The following CTNND2 variants were observed in gnomAD, a reference collection of about 807,000 sequenced individuals.
The protein encoded by CTNND2 is catenin delta 2.
CTNND2 carries 22 observed loss-of-function variants against 144.4 expected under a neutral mutation model. The observed-to-expected ratio is 0.15, with a 90% CI of 0.11 to 0.22. CTNND2 has a LOEUF of 0.22. Among genes scored for constraint, CTNND2 ranks in the 10% least tolerant of loss-of-function variants. CTNND2 has a pLI of 1.00. For missense variants in CTNND2, 1,353 were observed against 1,618.8 expected (o/e 0.84, Z 2.82); for synonymous variants, 751 against 695.6 (o/e 1.08, Z -1.25).
rs113683400 is a variant in CTNND2 at position 10,982,333 on chromosome 5, C to T, written c.3344-487G>A. ...GACCCAAAGGACGGGCAGGGGGCATCGCCTGCATGTCCCCCATGTATCTGG... is the reference window on the plus strand; with the variant it reads ...GACCCAAAGGACGGGCAGGGGGCATTGCCTGCATGTCCCCCATGTATCTGG... On this transcript the variant is annotated intron_variant, in intron 20 of 21. Coordinates refer to ENST00000304623, the MANE Select transcript of CTNND2 (RefSeq NM_001332.4). Among the ~76,000 whole-genome samples the T allele has an allele frequency of 2.5e-4, 38 of 152,342 alleles. 1 individual carries two copies. Among genetic ancestry groups the T allele is most frequent in the African/African-American group, 6.5e-4 (27 of 41,574 alleles).
At chr5:11,761,019 T>C (rs573961793) in intron 1 of CTNND2, among the ~76,000 whole-genome samples, 132 of 152,346 alleles carry the variant, frequency 8.7e-4, no homozygotes, top group African/African-American at 3.0e-3. Flanking sequence ...ATTTACTTGC[T>C]GGATCAATTA....
intron 2 of CTNND2, among the ~76,000 whole-genome samples, chr5:11,636,938 G>A (rs1401464622): frequency 6.6e-6 from 1 of 152,100 alleles, no homozygotes; most frequent in Non-Finnish European, 1.5e-5. Context: ...GTTCCAAGGT[G>A]CAGGTGGATT....
intron 3 of CTNND2, among the ~76,000 whole-genome samples, chr5:11,477,691 T>C (rs1767886860): frequency 6.6e-6 from 1 of 152,142 alleles, no homozygotes; most frequent in South Asian, 2.1e-4. Flanking sequence ...CTGCGGTGTC[T>C]GACAACACAC....
Position 11,385,306 on chromosome 5 carries a change from G to A in CTNND2, c.613-77C>T, listed in dbSNP as rs1051248649. On this transcript the variant is annotated intron_variant, in intron 6 of 21. Transcript: ENST00000304623. ...GGCCCACCCGGCCCAGCCCGGCCCC[G>A]AGAGCAGAGGCACACCGGGGATGCC... 36 of 967,718 alleles carry A rather than the reference G, an allele frequency of 3.7e-5. No individual in the cohort carries two copies. The Admixed American group carries it at 1.1e-3, about 28-fold the overall frequency. The allele number at this position is 967,718 out of a possible 1,614,324, so 59.9% of individuals were successfully genotyped here.
At chr5:11,091,982 C>G (rs1012599939) in intron 15 of CTNND2, among the ~76,000 whole-genome samples, 3 of 152,148 alleles carry the variant, frequency 2.0e-5, no homozygotes, top group African/African-American at 7.2e-5. Flanking sequence ...GAACTCTGAT[C>G]ACTTTGATAT....
chr5:11,525,400 T>TA (rs542232955), intron 3 of CTNND2, among the ~76,000 whole-genome samples: 238 of 149,300 alleles, frequency 1.6e-3, no homozygotes, highest in African/African-American at 5.0e-3. Context: ...ATTTTCAAAT[T>TA]AAAAAAAAAA....
intron 2 of CTNND2, among the ~76,000 whole-genome samples, chr5:11,703,470 C>T (rs1329004793): frequency 2.0e-5 from 3 of 152,148 alleles, no homozygotes; most frequent in African/African-American, 4.8e-5. Flanking sequence ...CAGAATGGAA[C>T]ACAGAGAGTA....
At chr5:11,202,143 A>G (rs13188415) in intron 10 of CTNND2, among the ~76,000 whole-genome samples, 1 of 143,782 alleles carries the variant, frequency 7.0e-6, no homozygotes. Context: ...CTAAAAACAG[A>G]TGGCATCATC....
intron 3 of CTNND2, among the ~76,000 whole-genome samples, chr5:11,432,117 G>A (rs999858837): frequency 1.5e-5 from 2 of 132,512 alleles, no homozygotes; most frequent in Admixed American, 1.5e-4. Flanking sequence ...TTCTGAGGTT[G>A]AGGCTTTTTT....
chr5:11,879,372 C>CTGT (rs1735855023), intron 1 of CTNND2, among the ~76,000 whole-genome samples: 1 of 75,082 alleles, frequency 1.3e-5, no homozygotes, highest in Non-Finnish European at 3.2e-5. Flanking sequence ...TACACACACA[C>CTGT]ACAAACATAT....
At chr5:11,808,623 C>T (rs1203644844) in intron 1 of CTNND2, among the ~76,000 whole-genome samples, 1 of 152,158 alleles carries the variant, frequency 6.6e-6, no homozygotes, top group East Asian at 1.9e-4. Flanking sequence ...TGGTCTCACC[C>T]ATTGCCTTGG....
At chr5:11,018,540 A>C (rs898762067) in intron 17 of CTNND2, among the ~76,000 whole-genome samples, 3 of 152,172 alleles carry the variant, frequency 2.0e-5, no homozygotes, top group Non-Finnish European at 4.4e-5. Flanking sequence ...GCAAAGGAAA[A>C]GTTCTTGAAG....
rs1336890609 is a variant in CTNND2, at chr5:11,128,671, G to GT, written c.2160-11105dup. On this transcript the variant is annotated intron_variant, in intron 12 of 21. Transcript: ENST00000304623. The stretch of plus-strand genomic sequence containing the variant: ...TGGGCACATGCAAGTTTCAAGAAGA[G>GT]TTTTCTAGATAATCAAACAACTGGA... Among the ~76,000 whole-genome samples the GT allele has an allele frequency of 3.0e-5, 4 of 131,326 alleles. No individual in the cohort carries two copies. The East Asian group carries it at 8.5e-4, about 28-fold the overall frequency. 86.2% of individuals were successfully genotyped at this position (131,326 alleles called of 152,430 possible). A position where few individuals can be genotyped will look rare whatever the true frequency, so the allele number is the denominator to read the frequency against.
At position 11,253,691 on chromosome 5, in the gene CTNND2, A is replaced by G. The variant is rs150656817; in HGVS notation, c.1629-16868T>C. On this transcript the variant is annotated intron_variant, in intron 9 of 21. Coordinates refer to ENST00000304623, the MANE Select transcript of CTNND2 (RefSeq NM_001332.4). ...AATATAACGATGATGTAAAAATACAATAGACCATCTAGATATCTATGTCCA... is the reference window on the plus strand; with the variant it reads ...AATATAACGATGATGTAAAAATACAGTAGACCATCTAGATATCTATGTCCA... Among the ~76,000 whole-genome samples, 276 of 152,314 alleles carry G rather than the reference A, an allele frequency of 1.8e-3. 1 individual carries two copies. Among genetic ancestry groups the G allele is most frequent in the Admixed American group, 3.4e-3 (52 of 15,302 alleles).
chr5:11,064,517 A>G (rs1276292755), intron 16 of CTNND2, among the ~76,000 whole-genome samples: 2 of 151,974 alleles, frequency 1.3e-5, no homozygotes, highest in African/African-American at 2.4e-5. Context: ...CCTTCGAGAT[A>G]GAGAACATTC....
chr5:11,802,446 A>T (rs1791747141), intron 1 of CTNND2, among the ~76,000 whole-genome samples: 2 of 151,922 alleles, frequency 1.3e-5, no homozygotes, highest in South Asian at 4.2e-4. Flanking sequence ...GCATGCCTGT[A>T]ATCCCAGCTA....
At chr5:11,280,812 C>T (rs1747035767) in intron 9 of CTNND2, among the ~76,000 whole-genome samples, 1 of 152,112 alleles carries the variant, frequency 6.6e-6, no homozygotes, top group South Asian at 2.1e-4. Flanking sequence ...AAGTTGCATG[C>T]TACTCCAGCC....
In CTNND2 at chr5:11,658,106, AT is replaced by A. The variant is rs1783009343; in HGVS notation, c.174+74029del. On this transcript the variant is annotated intron_variant, in intron 2 of 21. Coordinates refer to ENST00000304623, the MANE Select transcript of CTNND2 (RefSeq NM_001332.4). ...TCATATTTTAATCTATTACACAAGT[AT>A]TTCCTGAAAACCTATATTCAAATTA... 3.3e-5 allele frequency among the ~76,000 whole-genome samples: 5 copies of A among 152,270 alleles called. No individual in the cohort carries two copies. The South Asian group carries it at 1.0e-3, about 32-fold the overall frequency.
chr5:11,805,015 T>A (rs1225472276), intron 1 of CTNND2, among the ~76,000 whole-genome samples: 1 of 152,180 alleles, frequency 6.6e-6, no homozygotes, highest in East Asian at 1.9e-4. Context: ...TTTTAATCAT[T>A]GTGATTTAAT....
Sources: allele counts gnomAD v4.1 joint callset (sites outside exome capture counted in the v4.1 genomes callset), GRCh38; gene constraint gnomAD v4.1.1; transcripts MANE v1.5; gene names NCBI Gene and HGNC (gene_info 2026-07-23, HGNC 2026-07-21).